Variants in ANGPTL5 observed in about 807,000 individuals in gnomAD.
ANGPTL5 encodes the protein angiopoietin like 5.
In ANGPTL5, 34 loss-of-function variants were observed where a neutral mutation model predicts 39.4. That is an observed-to-expected ratio of 0.86 (90% CI 0.66 to 1.15). The LOEUF is 1.15. ANGPTL5 is among the 50% of genes most tolerant of loss of function. The pLI, the probability that ANGPTL5 is intolerant of heterozygous loss-of-function variation, is 0.00. For synonymous variants in ANGPTL5, 146 were observed against 152.1 expected (o/e 0.96, Z 0.29); for missense variants, 467 against 457.5 (o/e 1.02, Z -0.19).
At chr11:101,896,156 A>ATATTATTTATT (rs1403242673) in intron 7 of ANGPTL5, among the ~76,000 whole-genome samples, 9 of 139,622 alleles carry the variant, frequency 6.4e-5, no homozygotes, top group Non-Finnish European at 1.1e-4. Context: ...CTGTAATCCT[A>ATATTATTTATT]TATTTATTTA....
intron 7 of ANGPTL5, 90 bp from the exon 8 acceptor site, chr11:101,895,154 A>T: frequency 8.7e-7 from 1 of 1,146,516 alleles, no homozygotes; most frequent in Non-Finnish European, 1.2e-6. Context: ...TAGCATTTCA[A>T]AAACTCTGAG....
intron 7 of ANGPTL5, among the ~76,000 whole-genome samples, chr11:101,899,209 C>A (rs1939850694): frequency 6.6e-6 from 1 of 152,164 alleles, no homozygotes; most frequent in African/African-American, 2.4e-5. Context: ...GGAATAGTTT[C>A]AGAAAGAATG....
In ANGPTL5 at chr11:101,907,240, G is replaced by C; in HGVS notation, c.104C>G (p.Ser35Ter). 1 of 1,492,540 alleles carries C rather than the reference G, an allele frequency of 6.7e-7. No individual in the cohort carries two copies. The highest frequency in any genetic ancestry group is 9.2e-7 in the Non-Finnish European group (1 of 1,084,820). 92.5% of individuals were successfully genotyped at this position (1,492,540 alleles called of 1,614,324 possible). The change falls in exon 3 of 9, where the codon TCA becomes TGA. Residue 35 changes from serine to a stop codon, truncating the protein, a stop_gained. Transcript: ENST00000334289. LOFTEE classifies it high-confidence loss of function. ...TCCATCTTCTACAATGTTAACTACTGAAGAGTCCTTTATATTAAAAAATAG... is the reference window on the plus strand; with the variant it reads ...TCCATCTTCTACAATGTTAACTACTCAAGAGTCCTTTATATTAAAAAATAG... ...GNCVHHSTDS[S>*]VVNIVEDGSN...
rs750229004 is a variant in ANGPTL5 at position 101,900,103 on chromosome 11, G to A, written c.661+327C>T. On this transcript the variant is annotated intron_variant, in intron 7 of 8. Coordinates refer to ENST00000334289, the MANE Select transcript of ANGPTL5 (RefSeq NM_178127.5). ...CAAGAATTTTAAGATCTAGGACAAC[G>A]CTGCCATTCAGTTTTTCGTTCTGCA... is the stretch of plus-strand genomic sequence containing the variant. Among the ~76,000 whole-genome samples the A allele has an allele frequency of 3.3e-5, 5 of 152,208 alleles. No individual in the cohort carries two copies. The East Asian group carries it at 5.8e-4, about 18-fold the overall frequency.
At chr11:101,899,167 T>C (rs1939849725) in intron 7 of ANGPTL5, among the ~76,000 whole-genome samples, 2 of 152,200 alleles carry the variant, frequency 1.3e-5, no homozygotes, top group African/African-American at 4.8e-5. Flanking sequence ...ATAAAAAGAG[T>C]TACGGAGGAG....
At chr11:101,894,463 G>A (rs1939756827) in intron 8 of ANGPTL5, among the ~76,000 whole-genome samples, 1 of 152,200 alleles carries the variant, frequency 6.6e-6, no homozygotes. Flanking sequence ...TGGCTCAGGT[G>A]ACGTGATCTG....
intron 4 of ANGPTL5, among the ~76,000 whole-genome samples, chr11:101,905,316 T>G (rs1014984825): frequency 2.5e-4 from 38 of 152,158 alleles, no homozygotes; most frequent in African/African-American, 8.7e-4. Context: ...CTATAGTCAG[T>G]TTTCCTTAAA....
intron 2 of ANGPTL5, 140 bp downstream of exon 2, chr11:101,907,674 T>A: frequency 1.6e-6 from 1 of 641,960 alleles, no homozygotes; most frequent in East Asian, 2.9e-5. Flanking sequence ...TTAAAGCAAT[T>A]TTCAACATTT....
chr11:101,912,113 C>G (rs1368935456), intron 1 of ANGPTL5, among the ~76,000 whole-genome samples: 2 of 152,236 alleles, frequency 1.3e-5, no homozygotes, highest in African/African-American at 4.8e-5. Flanking sequence ...ATATAAGCTT[C>G]ACGAACATAA....
chr11:101,908,193 A>G (rs1940030509), intron 1 of ANGPTL5, among the ~76,000 whole-genome samples, 192 bp from the exon 2 acceptor site: 1 of 152,208 alleles, frequency 6.6e-6, no homozygotes, highest in South Asian at 2.1e-4. Flanking sequence ...ACAAATAGAT[A>G]AATAAGTAAA....
chr11:101,895,571 T>C (rs1185725320), intron 7 of ANGPTL5, among the ~76,000 whole-genome samples: 1 of 152,220 alleles, frequency 6.6e-6, no homozygotes, highest in Non-Finnish European at 1.5e-5. Flanking sequence ...TGTCTTGGAA[T>C]ACTTTCTTAA....
At chr11:101,896,569 A>G (rs1471857350) in intron 7 of ANGPTL5, among the ~76,000 whole-genome samples, 2 of 151,790 alleles carry the variant, frequency 1.3e-5, no homozygotes, top group Non-Finnish European at 2.9e-5. Context: ...ATGTGTTCTC[A>G]TTGTTCAACT....
At chr11:101,910,976 C>T (rs906573903) in intron 1 of ANGPTL5, among the ~76,000 whole-genome samples, 1 of 151,606 alleles carries the variant, frequency 6.6e-6, no homozygotes, top group African/African-American at 2.4e-5. Flanking sequence ...TTGGATTTTA[C>T]ATTAAGTCCT....
chr11:101,910,393 A>G (rs1940069113), intron 1 of ANGPTL5, among the ~76,000 whole-genome samples: 1 of 144,258 alleles, frequency 6.9e-6, no homozygotes, highest in Non-Finnish European at 1.5e-5. Flanking sequence ...CTGAACAACA[A>G]GAGCAAAACT....
At chr11:101,894,153 A>T (rs944544526) in intron 8 of ANGPTL5, among the ~76,000 whole-genome samples, 3 of 152,180 alleles carry the variant, frequency 2.0e-5, no homozygotes, top group Non-Finnish European at 2.9e-5. Context: ...CTGTATTTCC[A>T]GTGTTACTTA....
intron 1 of ANGPTL5, among the ~76,000 whole-genome samples, chr11:101,910,424 A>AAAAAATATAT (rs1469724609): frequency 6.3e-5 from 8 of 127,208 alleles, no homozygotes; most frequent in East Asian, 2.2e-4. Flanking sequence ...AAAAAAAAAA[A>AAAAAATATAT]ATATATATAT....
intron 4 of ANGPTL5, 111 bp downstream of exon 4, chr11:101,905,633 G>A: frequency 2.6e-6 from 2 of 763,988 alleles, no homozygotes; most frequent in South Asian, 3.2e-5. Context: ...AACATGGTAG[G>A]CGCTAAATAG....
intron 5 of ANGPTL5, among the ~76,000 whole-genome samples, chr11:101,904,612 A>G (rs908207947): frequency 2.0e-5 from 3 of 152,200 alleles, no homozygotes; most frequent in East Asian, 1.9e-4. Flanking sequence ...TGGCTTTCAC[A>G]TGGTTGAAAA....
At chr11:101,903,171 T>G (rs1246047204) in intron 5 of ANGPTL5, among the ~76,000 whole-genome samples, 1 of 152,086 alleles carries the variant, frequency 6.6e-6, no homozygotes, top group Non-Finnish European at 1.5e-5. Context: ...TATTCCCAAC[T>G]TCAGAGACTG....
Sources: gnomAD v4.1 joint callset for allele counts (sites outside exome capture counted in the v4.1 genomes callset) on GRCh38, gnomAD v4.1.1 for gene constraint, MANE v1.5 for transcripts, NCBI Gene and HGNC (gene_info 2026-07-23, HGNC 2026-07-21) for gene names.